The following PDZRN4 variants were observed in gnomAD, a reference collection of about 807,000 sequenced individuals.
The protein encoded by PDZRN4 is PDZ domain containing ring finger 4.
Under a neutral mutation model 99.0 loss-of-function variants are expected in PDZRN4, and 70 were observed. The ratio of observed to expected loss-of-function variants is 0.71; its 90% confidence interval spans 0.58 to 0.86. The LOEUF (loss-of-function observed/expected upper bound fraction) is 0.86. Ranked by LOEUF, PDZRN4 falls within the 40% of genes least tolerant of loss-of-function variation. The probability of loss-of-function intolerance (pLI) is 0.00; values close to 1 mark genes in which losing one functional copy is unlikely to be tolerated. For missense variants in PDZRN4, 1,474 were observed against 1,331.2 expected (o/e 1.11, Z -1.67); for synonymous variants, 551 against 501.6 (o/e 1.10, Z -1.32).
rs145454489 is a variant in PDZRN4 at position 41,207,640 on chromosome 12, G to C, written c.843+13452G>C. 3.5e-3 allele frequency among the ~76,000 whole-genome samples: 526 copies of C among 151,854 alleles called. 5 individuals carry two copies. The highest frequency in any genetic ancestry group is 0.012 in the African/African-American group (500 of 41,492). On this transcript the variant is annotated intron_variant, in intron 3 of 9. Coordinates refer to ENST00000402685, the MANE Select transcript of PDZRN4 (RefSeq NM_001164595.2). The stretch of plus-strand genomic sequence containing the variant: ...ATTCAATCAGAATGGTAAGGATGAT[G>C]ATGGCTATAAAATAGCTAACATTTA...
chr12:41,503,718 G>C (rs771303705), intron 3 of PDZRN4, among the ~76,000 whole-genome samples: 25 of 152,128 alleles, frequency 1.6e-4, no homozygotes, highest in Non-Finnish European at 3.7e-4. Flanking sequence ...GGAAAAATGA[G>C]CCTTGCCTTG....
chr12:41,291,988 AGGC>A (rs1311385172), intron 3 of PDZRN4, among the ~76,000 whole-genome samples: 1 of 152,172 alleles, frequency 6.6e-6, no homozygotes, highest in Non-Finnish European at 1.5e-5. Flanking sequence ...TTGGGAAAAC[AGGC>A]TAAAGGATCT....
At chr12:41,208,362 T>G (rs1308698801) in intron 3 of PDZRN4, among the ~76,000 whole-genome samples, 1 of 151,990 alleles carries the variant, frequency 6.6e-6, no homozygotes, top group Non-Finnish European at 1.5e-5. Flanking sequence ...TGGTTTTCTA[T>G]ATGAAATGTT....
At chr12:41,190,880 A>G (rs1262432723) in intron 1 of PDZRN4, among the ~76,000 whole-genome samples, 1 of 152,200 alleles carries the variant, frequency 6.6e-6, no homozygotes, top group Non-Finnish European at 1.5e-5. Context: ...TACCTAGCAC[A>G]AACCCTTATT....
intron 3 of PDZRN4, among the ~76,000 whole-genome samples, chr12:41,319,521 C>T (rs146619795): frequency 1.3e-4 from 20 of 152,122 alleles, no homozygotes; most frequent in Admixed American, 3.9e-4. Context: ...AACCAGCCAC[C>T]GCTCCTCCTC....
At chr12:41,505,841 T>C (rs1938196932) in intron 3 of PDZRN4, among the ~76,000 whole-genome samples, 1 of 149,546 alleles carries the variant, frequency 6.7e-6, no homozygotes, top group Non-Finnish European at 1.5e-5. Context: ...ATCTTGTGAG[T>C]ATGCCAATTC....
At chr12:41,365,239 C>T (rs537233871) in intron 3 of PDZRN4, among the ~76,000 whole-genome samples, 7 of 151,972 alleles carry the variant, frequency 4.6e-5, no homozygotes, top group Non-Finnish European at 1.0e-4. Context: ...GAATGAAGCC[C>T]ATAGTGATTT....
At chr12:41,480,782 T>C (rs1937660484) in intron 3 of PDZRN4, among the ~76,000 whole-genome samples, 1 of 152,118 alleles carries the variant, frequency 6.6e-6, no homozygotes, top group African/African-American at 2.4e-5. Context: ...AGACATTCTA[T>C]TCAACTCAAA....
chr12:41,189,129 G>C, intron 1 of PDZRN4, 26 bp downstream of exon 1: 5 of 1,567,282 alleles, frequency 3.2e-6, no homozygotes, highest in Non-Finnish European at 4.3e-6. Context: ...TGGGCACCGC[G>C]GGCATGGTCG....
intron 3 of PDZRN4, among the ~76,000 whole-genome samples, chr12:41,267,571 T>G (rs1951286661): frequency 6.6e-6 from 1 of 151,964 alleles, no homozygotes; most frequent in Admixed American, 6.6e-5. Flanking sequence ...GGATCATGCC[T>G]GTAATCCCAG....
chr12:41,564,483 T>C (rs1939329046), intron 8 of PDZRN4, among the ~76,000 whole-genome samples: 1 of 152,174 alleles, frequency 6.6e-6, no homozygotes, highest in African/African-American at 2.4e-5. Flanking sequence ...ATATCGCCAT[T>C]TGTCTCCTCG....
intron 3 of PDZRN4, among the ~76,000 whole-genome samples, chr12:41,319,228 G>A (rs1395911974): frequency 2.6e-5 from 4 of 152,062 alleles, no homozygotes; most frequent in African/African-American, 9.7e-5. Context: ...GTTTTTGGAA[G>A]GTTTATTCAT....
chr12:41,240,801 C>A (rs893379228), intron 3 of PDZRN4, among the ~76,000 whole-genome samples: 1 of 152,168 alleles, frequency 6.6e-6, no homozygotes, highest in Non-Finnish European at 1.5e-5. Context: ...TAATCCTATT[C>A]ACTATTCATA....
chr12:41,532,509 T>C (rs1370464239), intron 5 of PDZRN4, among the ~76,000 whole-genome samples: 2 of 152,220 alleles, frequency 1.3e-5, no homozygotes, highest in African/African-American at 4.8e-5. Flanking sequence ...TTGCCATTGA[T>C]TCTTCCAAAT....
chr12:41,263,062 G>A (rs1399545613), intron 3 of PDZRN4, among the ~76,000 whole-genome samples: 7 of 152,140 alleles, frequency 4.6e-5, no homozygotes, highest in African/African-American at 1.7e-4. Flanking sequence ...GGTAACTTCA[G>A]TGATTCCTCG....
chr12:41,282,741 T>C (rs1951396355), intron 3 of PDZRN4, among the ~76,000 whole-genome samples: 1 of 152,124 alleles, frequency 6.6e-6, no homozygotes, highest in Non-Finnish European at 1.5e-5. Context: ...TACAACTACA[T>C]GGAAACTGAA....
At chr12:41,309,420 T>G (rs1221772722) in intron 3 of PDZRN4, among the ~76,000 whole-genome samples, 1 of 152,068 alleles carries the variant, frequency 6.6e-6, no homozygotes, top group Non-Finnish European at 1.5e-5. Flanking sequence ...GGGGCTGAAC[T>G]TGTCCTTTTA....
intron 3 of PDZRN4, among the ~76,000 whole-genome samples, chr12:41,322,900 A>G (rs535722578): frequency 6.7e-6 from 1 of 149,874 alleles, no homozygotes; most frequent in Non-Finnish European, 1.5e-5. Context: ...CTTTCATTTT[A>G]TTTTCTTTCT....
chr12:41,440,586 G>A (rs1229990849), intron 3 of PDZRN4, among the ~76,000 whole-genome samples: 1 of 152,054 alleles, frequency 6.6e-6, no homozygotes, highest in African/African-American at 2.4e-5. Context: ...CTCCTCTGGA[G>A]GAGCTAAGAC....
Sources: allele counts gnomAD v4.1 joint callset (sites outside exome capture counted in the v4.1 genomes callset), GRCh38; gene constraint gnomAD v4.1.1; transcripts MANE v1.5; gene names NCBI Gene and HGNC (gene_info 2026-07-23, HGNC 2026-07-21).